TLL1: variants seen among roughly 807,000 people sequenced by gnomAD.
TLL1 encodes tolloid-like protein 1.
In TLL1, 49 loss-of-function variants were observed where a neutral mutation model predicts 128.2. That is an observed-to-expected ratio of 0.38 (90% CI 0.30 to 0.48). TLL1 has a LOEUF of 0.48. Among genes scored for constraint, TLL1 ranks in the 20% least tolerant of loss-of-function variants. The pLI is 0.96. For synonymous variants in TLL1, 454 were observed against 418.8 expected, an observed-to-expected ratio of 1.08 and a Z score of -1.03; for missense variants, 1,123 against 1,242.0, an observed-to-expected ratio of 0.90 and a Z score of 1.44.
chr4:165,973,293 C>T (rs1735712025), intron 1 of TLL1, among the ~76,000 whole-genome samples: 1 of 151,962 alleles, frequency 6.6e-6, no homozygotes, highest in African/African-American at 2.4e-5. Context: ...TTTACGTTGT[C>T]TTTCAGTCTT....
At chr4:166,086,823 A>C (rs1273510127) in intron 18 of TLL1, among the ~76,000 whole-genome samples, 2 of 152,146 alleles carry the variant, frequency 1.3e-5, no homozygotes, top group Non-Finnish European at 2.9e-5. Flanking sequence ...GTGTTGTTTT[A>C]AGGCATTAAA....
intron 12 of TLL1, among the ~76,000 whole-genome samples, chr4:166,051,658 C>T (rs1249773088): frequency 6.6e-6 from 1 of 151,992 alleles, no homozygotes; most frequent in African/African-American, 2.4e-5. Context: ...ATTGTGCAAG[C>T]CTTGCATTTA....
At chr4:165,940,736 T>G (rs765359063) in intron 1 of TLL1, among the ~76,000 whole-genome samples, 1 of 152,090 alleles carries the variant, frequency 6.6e-6, no homozygotes, top group Non-Finnish European at 1.5e-5. Flanking sequence ...AAAGATATGA[T>G]GAGGATATGT....
At chr4:166,087,407 A>G (rs540182406) in intron 18 of TLL1, among the ~76,000 whole-genome samples, 1 of 152,258 alleles carries the variant, frequency 6.6e-6, no homozygotes, top group Admixed American at 6.5e-5. Flanking sequence ...GAATCAGGAG[A>G]CTGAGGTTTG....
intron 7 of TLL1, among the ~76,000 whole-genome samples, chr4:166,011,965 G>T (rs540856781): frequency 2.0e-4 from 30 of 151,576 alleles, no homozygotes; most frequent in African/African-American, 7.0e-4. Context: ...AACTCACAGA[G>T]TCTATAAAAG....
chr4:166,094,410 A>G (rs1334813117), intron 19 of TLL1, among the ~76,000 whole-genome samples: 1 of 152,172 alleles, frequency 6.6e-6, no homozygotes, highest in Non-Finnish European at 1.5e-5. Context: ...ATTCTTCTTT[A>G]TAGAAATATT....
chr4:165,884,847 A>G (rs1299941797), intron 1 of TLL1, among the ~76,000 whole-genome samples: 1 of 152,116 alleles, frequency 6.6e-6, no homozygotes, highest in African/African-American at 2.4e-5. Flanking sequence ...AATAATAATG[A>G]TAATAAAAAT....
At chr4:166,004,959 C>T (rs146003028) in intron 6 of TLL1, among the ~76,000 whole-genome samples, 223 of 151,442 alleles carry the variant, frequency 1.5e-3, no homozygotes, top group Non-Finnish European at 2.7e-3. Context: ...CGGGGGGGTG[C>T]CTGAAGTCCA....
intron 8 of TLL1, among the ~76,000 whole-genome samples, chr4:166,022,257 C>T (rs867132181): frequency 4.6e-5 from 7 of 151,698 alleles, no homozygotes; most frequent in Non-Finnish European, 8.8e-5. Flanking sequence ...CTCTGCCTCC[C>T]GGGTTCAAGC....
At chr4:165,884,619 T>G (rs1023821200) in intron 1 of TLL1, among the ~76,000 whole-genome samples, 1 of 152,196 alleles carries the variant, frequency 6.6e-6, no homozygotes, top group African/African-American at 2.4e-5. Flanking sequence ...GTGGATCACC[T>G]GAGGCCAAGA....
chr4:166,025,971 A>G (rs1738474939), intron 9 of TLL1, among the ~76,000 whole-genome samples: 1 of 152,170 alleles, frequency 6.6e-6, no homozygotes, highest in Non-Finnish European at 1.5e-5. Flanking sequence ...AAAAAGAGCA[A>G]TAAAATAAAA....
Position 166,025,374 on chromosome 4 carries a change from T to G in TLL1, c.1101T>G (p.Asn367Lys), listed in dbSNP as rs1738448165. ...NGNLSSPGFP[N>K]GYPSYTHCIW... ...ACCTTTCCTCTCCAGGATTTCCCAA[T>G]GGCTACCCTTCTTACACACACTGCA... The change falls in exon 9 of 21, where the codon AAT becomes AAG. Residue 367 changes from asparagine to lysine, a missense_variant. Asn to Lys is a moderately conservative substitution (Grantham distance 94). This residue lies in a region of TLL1 where 480 missense variants were observed against 542.4 expected (regional missense o/e 0.89). Coordinates refer to ENST00000061240, the MANE Select transcript of TLL1 (RefSeq NM_012464.5). The G allele has an allele frequency of 1.2e-6, 2 of 1,613,996 alleles. No homozygotes were observed. Among genetic ancestry groups the G allele is most frequent in the Non-Finnish European group, 1.7e-6 (2 of 1,179,932 alleles).
intron 1 of TLL1, among the ~76,000 whole-genome samples, chr4:165,923,475 C>CTGAAGTGCA (rs1733137083): frequency 8.7e-6 from 1 of 115,304 alleles, no homozygotes; most frequent in South Asian, 3.3e-4. Context: ...GTCGCCCAGG[C>CTGAAGTGCA]TGAAGTGCAG....
At chr4:166,058,601 A>G (rs1007373693) in intron 14 of TLL1, among the ~76,000 whole-genome samples, 3 of 152,114 alleles carry the variant, frequency 2.0e-5, no homozygotes, top group African/African-American at 4.8e-5. Context: ...CCTCCACCCT[A>G]TTACAGGCCC....
chr4:165,994,597 C>T, intron 4 of TLL1, 64 bp downstream of exon 4: 5 of 1,572,162 alleles, frequency 3.2e-6, no homozygotes, highest in South Asian at 1.1e-5. Flanking sequence ...GATTAAGTGT[C>T]TATTTTTATA....
At chr4:165,885,405 CA>C (rs1257534149) in intron 1 of TLL1, among the ~76,000 whole-genome samples, 1 of 151,960 alleles carries the variant, frequency 6.6e-6, no homozygotes, top group Non-Finnish European at 1.5e-5. Context: ...AAGGTGTTCA[CA>C]CCTCTCCTGG....
At chr4:166,075,072 C>T (rs1456575973) in intron 17 of TLL1, 69 bp downstream of exon 17, 14 of 1,592,380 alleles carry the variant, frequency 8.8e-6, no homozygotes, top group Non-Finnish European at 9.4e-6. Context: ...AGCACTGCTT[C>T]CAAGTAGAGT....
In TLL1 at chr4:166,078,097, GAAATAA is replaced by G. The variant is rs2111141376; in HGVS notation, c.2442+70_2442+75del. On this transcript the variant is annotated intron_variant, in intron 18 of 20. Coordinates refer to ENST00000061240, the MANE Select transcript of TLL1 (RefSeq NM_012464.5). ...CCTTGTCTTTCACTACAAGCACTTG[GAAATAA>G]AATGGAGGTTTATCTAATTGAATCG... 25 of 1,603,398 alleles carry G rather than the reference GAAATAA, an allele frequency of 1.6e-5. No homozygotes were observed. The South Asian group carries it at 2.7e-4, about 17-fold the overall frequency.
At chr4:165,987,170 T>G (rs1446370386) in intron 1 of TLL1, among the ~76,000 whole-genome samples, 2 of 152,010 alleles carry the variant, frequency 1.3e-5, no homozygotes, top group Non-Finnish European at 2.9e-5. Flanking sequence ...CTACCAGCAC[T>G]AAGAAAGGAA....
Sources: gnomAD v4.1 joint callset for allele counts (sites outside exome capture counted in the v4.1 genomes callset) on GRCh38, gnomAD v4.1.1 for gene constraint, gnomAD v4.1.1 regional missense constraint, MANE v1.5 for transcripts, NCBI Gene and HGNC (gene_info 2026-07-23, HGNC 2026-07-21) for gene names.